Variants in LCMT1 observed in about 807,000 individuals in gnomAD.
LCMT1 encodes leucine carboxyl methyltransferase 1.
In LCMT1, 32 loss-of-function variants were observed where a neutral mutation model predicts 47.7. The ratio of observed to expected loss-of-function variants is 0.67; its 90% CI spans 0.51 to 0.90. The LOEUF (loss-of-function observed/expected upper bound fraction) is 0.90, where lower values mean the gene tolerates loss of function less well. Among genes scored for constraint, LCMT1 ranks in the 40% least tolerant of loss-of-function variants. The pLI, the probability that LCMT1 is intolerant of heterozygous loss-of-function variation, is 0.00. For synonymous variants in LCMT1, 152 were observed against 149.7 expected (o/e 1.02, Z -0.11); for missense variants, 375 against 415.2 (o/e 0.90, Z 0.84).
intron 3 of LCMT1, among the ~76,000 whole-genome samples, chr16:25,136,281 A>G (rs745590961): frequency 2.5e-4 from 38 of 151,048 alleles, no homozygotes; most frequent in Non-Finnish European, 5.2e-4. Flanking sequence ...AGCCATGTCG[A>G]GTCCCCTTTG....
intron 5 of LCMT1, among the ~76,000 whole-genome samples, chr16:25,157,424 G>A (rs762134257): frequency 6.6e-6 from 1 of 152,022 alleles, no homozygotes; most frequent in Non-Finnish European, 1.5e-5. Context: ...GCATGGTGGT[G>A]CACGTCTGTG....
chr16:25,150,553 G>A (rs1459405076), intron 4 of LCMT1, among the ~76,000 whole-genome samples: 2 of 151,494 alleles, frequency 1.3e-5, no homozygotes, highest in African/African-American at 2.4e-5. Context: ...CATTTTGGTC[G>A]GGCTGGTCTT....
intron 5 of LCMT1, among the ~76,000 whole-genome samples, chr16:25,158,172 A>G (rs1163758076): frequency 6.6e-6 from 1 of 152,164 alleles, no homozygotes; most frequent in African/African-American, 2.4e-5. Context: ...TTTGAGACAG[A>G]GTCTTGCTCT....
chr16:25,151,696 G>GGTGGGTGTGT, intron 5 of LCMT1, 81 bp downstream of exon 5: 2 of 600,594 alleles, frequency 3.3e-6, no homozygotes, highest in Non-Finnish European at 5.9e-6. Flanking sequence ...GTTTGTGTTG[G>GGTGGGTGTGT]GTGTGTGTGT....
At chr16:25,159,057 A>G (rs1192490480) in intron 5 of LCMT1, 1 of 152,216 alleles carries the variant, frequency 6.6e-6, no homozygotes, top group Non-Finnish European at 1.5e-5. Flanking sequence ...TTACATGCTA[A>G]TGTTAGATCC....
intron 3 of LCMT1, among the ~76,000 whole-genome samples, chr16:25,139,796 T>G (rs1960625199): frequency 6.6e-6 from 1 of 152,136 alleles, no homozygotes; most frequent in East Asian, 1.9e-4. Flanking sequence ...CCTTCTAAAG[T>G]GTTGAGATTA....
chr16:25,157,390 C>T (rs999904369), intron 5 of LCMT1, among the ~76,000 whole-genome samples: 2 of 151,778 alleles, frequency 1.3e-5, no homozygotes, highest in Non-Finnish European at 2.9e-5. Flanking sequence ...CCCATCTATA[C>T]AAATAATAAA....
At chr16:25,116,125 G>A (rs932567236) in intron 1 of LCMT1, among the ~76,000 whole-genome samples, 12 of 152,334 alleles carry the variant, frequency 7.9e-5, no homozygotes, top group African/African-American at 2.2e-4. Flanking sequence ...GAGCTGTGGG[G>A]CACATCAGTA....
intron 1 of LCMT1, among the ~76,000 whole-genome samples, chr16:25,128,185 G>A (rs1403969787): frequency 6.6e-6 from 1 of 152,222 alleles, no homozygotes; most frequent in South Asian, 2.1e-4. Flanking sequence ...GAAGCATGAA[G>A]TGAGGCTATT....
chr16:25,132,449 C>G lies in LCMT1; in HGVS notation c.253C>G (p.Leu85Val). 6.2e-7 allele frequency: 1 copy of G among 1,613,868 alleles called. No individual in the cohort carries two copies. The highest frequency in any genetic ancestry group is 8.5e-7 in the Non-Finnish European group (1 of 1,179,840). ...TGTCAGTCAGCTTATAAAGGCATTT[C>G]TACGGAAGACAGAATGTCATTGTCA... ...HGVSQLIKAF[L>V]RKTECHCQIV... Residue 85 changes from leucine to valine, a missense_variant, in exon 3 of 11, where the codon CTA (leucine) becomes GTA (valine). Leu to Val is a conservative substitution (Grantham distance 32). Coordinates refer to ENST00000399069, the MANE Select transcript of LCMT1 (RefSeq NM_016309.3).
At chr16:25,152,771 G>C (rs1597590578) in intron 5 of LCMT1, among the ~76,000 whole-genome samples, 1 of 152,062 alleles carries the variant, frequency 6.6e-6, no homozygotes, top group Non-Finnish European at 1.5e-5. Flanking sequence ...CACTTGATCT[G>C]CTTCACTCAA....
chr16:25,146,789 C>T (rs1960870809), intron 4 of LCMT1: 1 of 152,264 alleles, frequency 6.6e-6, no homozygotes, highest in Non-Finnish European at 1.5e-5. Context: ...CCAAGGGCCT[C>T]AGGGACTCGA....
intron 1 of LCMT1, 106 bp downstream of exon 1, chr16:25,112,102 C>T (rs1386817672): frequency 6.5e-6 from 5 of 766,044 alleles, no homozygotes; most frequent in Non-Finnish European, 1.1e-5. Flanking sequence ...GGATGCAGCC[C>T]CCGCCTCGCA....
At chr16:25,154,263 G>A (rs1310658457) in intron 5 of LCMT1, among the ~76,000 whole-genome samples, 2 of 151,446 alleles carry the variant, frequency 1.3e-5, no homozygotes, top group East Asian at 4.0e-4. Context: ...CCTCTGCCTC[G>A]GCCTCCCAAA....
intron 5 of LCMT1, among the ~76,000 whole-genome samples, chr16:25,156,643 A>C (rs1961264494): frequency 6.6e-6 from 1 of 152,172 alleles, no homozygotes; most frequent in Non-Finnish European, 1.5e-5. Flanking sequence ...GCGTGCTTCA[A>C]GATTGAGAAA....
intron 3 of LCMT1, among the ~76,000 whole-genome samples, chr16:25,138,842 A>G (rs1960583339): frequency 6.6e-6 from 1 of 152,128 alleles, no homozygotes; most frequent in South Asian, 2.1e-4. Flanking sequence ...TAATTTTACT[A>G]AGGTCAGGCC....
rs115345679 is a variant in LCMT1 at position 25,112,298 on chromosome 16, A to G, written c.113+302A>G. 3.1e-3 allele frequency among the ~76,000 whole-genome samples: 470 copies of G among 152,336 alleles called. 1 individual carries two copies. The highest frequency in any genetic ancestry group is 9.9e-3 in the African/African-American group (413 of 41,574). On this transcript the variant is annotated intron_variant, in intron 1 of 10. Transcript: ENST00000399069. The stretch of plus-strand genomic sequence containing the variant: ...GCTAAACGCTGCTGGAAAGACAGAC[A>G]TGAAGCAAATAGTAGCTCCAGCCTC...
At chr16:25,159,336 C>T (rs1333519027) in intron 5 of LCMT1, among the ~76,000 whole-genome samples, 2 of 152,264 alleles carry the variant, frequency 1.3e-5, no homozygotes, top group African/African-American at 2.4e-5. Flanking sequence ...GAGGCACGAT[C>T]ATAGCTCACT....
At chr16:25,112,085 C>T in intron 1 of LCMT1, 89 bp downstream of exon 1, 1 of 873,916 alleles carries the variant, frequency 1.1e-6, no homozygotes, top group African/African-American at 1.7e-5. Context: ...ACGCTCAAGG[C>T]TGGCAGGGAT....
Sources: allele counts gnomAD v4.1 joint callset (sites outside exome capture counted in the v4.1 genomes callset), GRCh38; gene constraint gnomAD v4.1.1; transcripts MANE v1.5; gene names NCBI Gene and HGNC (gene_info 2026-07-23, HGNC 2026-07-21).